The following SYT16 variants were observed in gnomAD, a reference collection of about 807,000 sequenced individuals.
SYT16 encodes synaptotagmin 16.
A neutral mutation model predicts 61.4 loss-of-function variants in SYT16; 42 were observed. That is an observed-to-expected ratio of 0.68 (90% CI 0.53 to 0.89). The LOEUF (loss-of-function observed/expected upper bound fraction) is 0.89, where lower values mean the gene tolerates loss of function less well. Ranked by LOEUF, SYT16 falls within the 40% of genes least tolerant of loss-of-function variation. SYT16 has a pLI of 0.00. For missense variants in SYT16, 804 were observed against 807.3 expected, an observed-to-expected ratio of 1.00 and a Z score of 0.05; for synonymous variants, 314 against 302.3, an observed-to-expected ratio of 1.04 and a Z score of -0.40.
At chr14:61,914,678 C>T (rs890903703) in intron 1 of SYT16, among the ~76,000 whole-genome samples, 4 of 152,178 alleles carry the variant, frequency 2.6e-5, no homozygotes, top group Non-Finnish European at 4.4e-5. Flanking sequence ...ATCAGTCATC[C>T]CAACAAGTTG....
At chr14:61,903,347 C>G (rs908900386) in intron 1 of SYT16, among the ~76,000 whole-genome samples, 1 of 152,040 alleles carries the variant, frequency 6.6e-6, no homozygotes, top group Non-Finnish European at 1.5e-5. Context: ...CATGGTTTCC[C>G]CCAGTAGACT....
chr14:61,969,777 C>A (rs988029772), intron 1 of SYT16, among the ~76,000 whole-genome samples: 1 of 152,274 alleles, frequency 6.6e-6, no homozygotes, highest in South Asian at 2.1e-4. Context: ...TCAACCATGT[C>A]CAGCTAAACC....
At position 62,003,439 on chromosome 14, in the gene SYT16, C is replaced by T. The variant is rs550479525; in HGVS notation, c.523+6897C>T. Among the ~76,000 whole-genome samples the T allele has an allele frequency of 2.6e-5, 4 of 151,856 alleles. No homozygotes were observed. The East Asian group carries it at 7.7e-4, about 29-fold the overall frequency. ...AAAATATTCATTTAATTCTTACCAG[C>T]TTGTATGAATCTAGTATCTGCCCCT... is the stretch of plus-strand genomic sequence containing the variant. On this transcript the variant is annotated intron_variant, in intron 3 of 7. Transcript: ENST00000683842.
chr14:62,078,113 C>T (rs577960613), intron 5 of SYT16, among the ~76,000 whole-genome samples: 3 of 150,698 alleles, frequency 2.0e-5, no homozygotes, highest in Admixed American at 2.0e-4. Context: ...CTTGCTCTCT[C>T]TCTCTCTCTC....
chr14:61,947,267 C>CGTGT (rs59798244), intron 1 of SYT16, among the ~76,000 whole-genome samples: 33,118 of 125,604 alleles, frequency 0.26, 4,414 homozygotes, highest in East Asian at 0.4. Flanking sequence ...TTTAGTCCTT[C>CGTGT]GTGTGTGTGT....
rs111510265 is a variant in SYT16 at position 62,067,009 on chromosome 14, G to C, written c.524-2594G>C. Among the ~76,000 whole-genome samples the C allele has an allele frequency of 2.6e-5, 4 of 152,156 alleles. No individual in the cohort carries two copies. In the South Asian group the frequency reaches 8.3e-4, roughly 32 times the overall value. On this transcript the variant is annotated intron_variant, in intron 3 of 7. Coordinates refer to ENST00000683842, the MANE Select transcript of SYT16 (RefSeq NM_001367656.1). ...GGAAGGACTTTCTGGAAGAAGTGAT[G>C]TCTAAGCTGAGACCTCAATGATGAG...
At chr14:61,859,517 G>C (rs918767684) in intron 1 of SYT16, among the ~76,000 whole-genome samples, 2 of 151,764 alleles carry the variant, frequency 1.3e-5, no homozygotes, top group African/African-American at 2.4e-5. Flanking sequence ...TTTCCGCTCG[G>C]AAAACCCCTC....
chr14:61,936,100 A>G (rs1400150538), intron 1 of SYT16, among the ~76,000 whole-genome samples: 3 of 152,218 alleles, frequency 2.0e-5, no homozygotes, highest in Non-Finnish European at 2.9e-5. Context: ...TATATGAATC[A>G]CAATTTGCTT....
chr14:62,045,938 C>A (rs1037162139), intron 3 of SYT16, among the ~76,000 whole-genome samples: 1 of 152,120 alleles, frequency 6.6e-6, no homozygotes, highest in Non-Finnish European at 1.5e-5. Flanking sequence ...TTTATAGCAG[C>A]ATGATTTATA....
chr14:61,997,886 G>A (rs2140638476), intron 3 of SYT16, among the ~76,000 whole-genome samples: 1 of 152,040 alleles, frequency 6.6e-6, no homozygotes, highest in Non-Finnish European at 1.5e-5. Context: ...TGTTCATCTG[G>A]CCTTTCCAGA....
chr14:61,882,321 A>G (rs1221169434), intron 1 of SYT16, among the ~76,000 whole-genome samples: 4 of 152,196 alleles, frequency 2.6e-5, no homozygotes, highest in African/African-American at 4.8e-5. Context: ...TTTTCAAAGC[A>G]TCTGTATTAG....
intron 2 of SYT16, among the ~76,000 whole-genome samples, chr14:61,983,286 G>T (rs1358570002): frequency 6.6e-6 from 1 of 152,114 alleles, no homozygotes; most frequent in Non-Finnish European, 1.5e-5. Flanking sequence ...AAATATATGT[G>T]TTCCTCTAAA....
intron 1 of SYT16, among the ~76,000 whole-genome samples, chr14:61,913,704 T>TGTGTGTGTGTGTGTGTGTG: frequency 6.9e-6 from 1 of 145,758 alleles, no homozygotes; most frequent in East Asian, 2.0e-4. Flanking sequence ...CTTTGGGTCT[T>TGTGTGTGTGTGTGTGTGTG]TGTGTGTGTG....
Position 62,004,020 on chromosome 14 carries a change from T to C in SYT16, c.523+7478T>C, listed in dbSNP as rs534230711. ...CATGAGGCTAGAGCTAAGGCTGTGA[T>C]TGGGAAGGTCTTTGGTTTTTGTGTT... On this transcript the variant is annotated intron_variant, in intron 3 of 7. Transcript: ENST00000683842. Among the ~76,000 whole-genome samples the C allele has an allele frequency of 9.9e-5, 15 of 152,284 alleles. No homozygotes were observed. In the East Asian group the frequency reaches 2.9e-3, roughly 29 times the overall value.
chr14:62,098,490 G>A (rs17808098), intron 7 of SYT16, among the ~76,000 whole-genome samples: 92,810 of 151,924 alleles, frequency 0.61, 29,948 homozygotes, highest in African/African-American at 0.83. Flanking sequence ...TAAAATTTGA[G>A]TGCTTTCTTT....
chr14:61,838,799 A>G (rs1022376964), intron 1 of SYT16, among the ~76,000 whole-genome samples: 3 of 152,214 alleles, frequency 2.0e-5, no homozygotes, highest in African/African-American at 7.2e-5. Context: ...AAAAATACTG[A>G]TAGTAGCAAT....
At chr14:61,882,223 T>C (rs118180477) in intron 1 of SYT16, among the ~76,000 whole-genome samples, 3,642 of 152,234 alleles carry the variant, frequency 0.024, 57 homozygotes, top group Admixed American at 0.033. Context: ...CAAAGGATAA[T>C]AAACAAGAGA....
intron 3 of SYT16, among the ~76,000 whole-genome samples, chr14:62,034,736 C>T (rs1054287822): frequency 1.3e-5 from 2 of 151,994 alleles, no homozygotes; most frequent in African/African-American, 2.4e-5. Context: ...GGGTTGGTGA[C>T]AGGTAGTAGA....
rs148961380 is a variant in SYT16 at position 61,906,787 on chromosome 14, G to A, written c.-324-63345G>A. ...CGTCAATCCATCCATCCGTCCGTCC[G>A]TCCATCCATCCATCCATCCATCCAT... is the stretch of plus-strand genomic sequence containing the variant. On this transcript the variant is annotated intron_variant, in intron 1 of 7. Coordinates refer to ENST00000683842, the MANE Select transcript of SYT16 (RefSeq NM_001367656.1). Among the ~76,000 whole-genome samples, 279 of 142,432 alleles carry A rather than the reference G, an allele frequency of 2.0e-3. 1 individual carries two copies. Among genetic ancestry groups the A allele is most frequent in the African/African-American group, 4.0e-3 (148 of 36,958 alleles). 93.4% of individuals were successfully genotyped at this position (142,432 alleles called of 152,430 possible). A position where few individuals can be genotyped will look rare whatever the true frequency, so the allele number is the denominator to read the frequency against.
Sources: allele counts gnomAD v4.1 joint callset (sites outside exome capture counted in the v4.1 genomes callset), GRCh38; gene constraint gnomAD v4.1.1; transcripts MANE v1.5; gene names NCBI Gene and HGNC (gene_info 2026-07-23, HGNC 2026-07-21).